TLK1: variants seen among roughly 807,000 people sequenced by gnomAD.
TLK1 encodes tousled like kinase 1, also known as serine/threonine-protein kinase tousled-like 1.
A neutral mutation model predicts 105.3 loss-of-function variants in TLK1; 24 were observed. The ratio of observed to expected loss-of-function variants is 0.23; its 90% confidence interval spans 0.17 to 0.32. TLK1 has a LOEUF of 0.32. Ranked by LOEUF, TLK1 falls within the 10% of genes least tolerant of loss-of-function variation. The pLI is 1.00. For missense variants in TLK1, 558 were observed against 910.5 expected, an observed-to-expected ratio of 0.61 and a Z score of 4.98; for synonymous variants, 321 against 310.4, an observed-to-expected ratio of 1.03 and a Z score of -0.36.
chr2:171,112,044 C>T (rs1468339147), intron 2 of TLK1, among the ~76,000 whole-genome samples: 3 of 152,104 alleles, frequency 2.0e-5, no homozygotes, highest in Non-Finnish European at 2.9e-5. Flanking sequence ...CTCCGCCTGC[C>T]GAGTTCAAGC....
chr2:171,071,618 T>C (rs1575573470), intron 3 of TLK1, among the ~76,000 whole-genome samples: 1 of 151,844 alleles, frequency 6.6e-6, no homozygotes, highest in Non-Finnish European at 1.5e-5. Context: ...TGGTTGCCTG[T>C]GCTTGTCGGG....
intron 3 of TLK1, among the ~76,000 whole-genome samples, chr2:171,064,631 A>C (rs908559818): frequency 6.6e-6 from 1 of 152,228 alleles, no homozygotes; most frequent in Admixed American, 6.5e-5. Context: ...GGAAGGCAAA[A>C]TAATAGGATT....
intron 1 of TLK1, among the ~76,000 whole-genome samples, chr2:171,202,399 C>T (rs1206905937): frequency 6.6e-6 from 1 of 151,660 alleles, no homozygotes; most frequent in Non-Finnish European, 1.5e-5. Context: ...TTGCGGTGAG[C>T]CGGGATCGCG....
chr2:171,124,693 C>G (rs2081715), intron 1 of TLK1, among the ~76,000 whole-genome samples: 59,989 of 151,996 alleles, frequency 0.39, 13,333 homozygotes, highest in African/African-American at 0.59. Context: ...TTGTAAATTA[C>G]TCCAACTAAG....
intron 1 of TLK1, among the ~76,000 whole-genome samples, chr2:171,202,177 C>T (rs567268864): frequency 2.0e-5 from 3 of 152,216 alleles, no homozygotes; most frequent in Non-Finnish European, 2.9e-5. Context: ...CGGCTCAGGC[C>T]GGGCGCGGTG....
At chr2:171,033,732 A>C (rs1267314743) in intron 11 of TLK1, among the ~76,000 whole-genome samples, 3 of 150,286 alleles carry the variant, frequency 2.0e-5, no homozygotes, top group Non-Finnish European at 4.5e-5. Context: ...AAGTAGGCAA[A>C]CACCACAATT....
intron 1 of TLK1, among the ~76,000 whole-genome samples, chr2:171,212,866 A>C (rs1461299259): frequency 6.8e-6 from 1 of 146,704 alleles, no homozygotes; most frequent in Non-Finnish European, 1.5e-5. Context: ...ATGAAGAAAT[A>C]AGAGGAAAAC....
chr2:171,207,584 T>C (rs528320850), intron 1 of TLK1, among the ~76,000 whole-genome samples: 2 of 152,302 alleles, frequency 1.3e-5, no homozygotes, highest in East Asian at 3.9e-4. Context: ...TGGTGTGGGA[T>C]GTTGACAGTA....
chr2:171,040,561 CTTTTTTGTTTT>C, intron 11 of TLK1, among the ~76,000 whole-genome samples: 1 of 123,672 alleles, frequency 8.1e-6, no homozygotes, highest in African/African-American at 3.0e-5. Flanking sequence ...AAATATATTC[CTTTTTTGTTTT>C]TTTTTTTTTT....
chr2:171,180,302 G>A (rs1464648311), intron 1 of TLK1, among the ~76,000 whole-genome samples: 5 of 151,988 alleles, frequency 3.3e-5, no homozygotes, highest in Non-Finnish European at 5.9e-5. Flanking sequence ...AATCTGATAG[G>A]AAGGGAAGAC....
Position 171,160,734 on chromosome 2 carries a change from C to T in TLK1, c.-306G>A, listed in dbSNP as rs886682340. ...AGGCGTCGAGGGGGTGCCAGCCGGG[C>T]CGGGGTCGGAGCGCGGGCGGAGCGC... On this transcript the variant is annotated 5_prime_UTR_variant, in exon 1 of 21. Transcript: ENST00000431350. The surrounding 1 kb of genome is among the most constrained non-coding windows in gnomAD (Gnocchi z 4.4). The T allele has an allele frequency of 4.5e-6, 2 of 446,742 alleles. No individual in the cohort carries two copies. The highest frequency in any genetic ancestry group is 7.6e-6 in the Non-Finnish European group (2 of 261,508). 27.7% of individuals were successfully genotyped at this position (446,742 alleles called of 1,614,324 possible).
At chr2:171,010,972 G>C (rs1172422240) in intron 14 of TLK1, among the ~76,000 whole-genome samples, 1 of 152,128 alleles carries the variant, frequency 6.6e-6, no homozygotes, top group Non-Finnish European at 1.5e-5. Flanking sequence ...TTTTTATAAT[G>C]AGGACATATA....
intron 1 of TLK1, among the ~76,000 whole-genome samples, chr2:171,193,094 T>C (rs1257575703): frequency 6.6e-6 from 1 of 152,224 alleles, no homozygotes; most frequent in Non-Finnish European, 1.5e-5. Context: ...CTTGTTGAAA[T>C]TAGCTCTTTA....
intron 2 of TLK1, among the ~76,000 whole-genome samples, chr2:171,086,759 GTT>G (rs2105482951): frequency 6.6e-6 from 1 of 152,264 alleles, no homozygotes; most frequent in Admixed American, 6.5e-5. Context: ...ACAAACAGCA[GTT>G]GAAACCCAGA....
chr2:171,086,642 A>C lies in TLK1; in HGVS notation c.259-3790T>G, dbSNP rs568849243. Among the ~76,000 whole-genome samples, 745 of 138,338 alleles carry C rather than the reference A, an allele frequency of 5.4e-3. 5 individuals are homozygous for C. The highest frequency in any genetic ancestry group is 0.013 in the African/African-American group (399 of 31,798). The allele number at this position is 138,338 out of a possible 152,430, so 90.8% of individuals were successfully genotyped here. A position where few individuals can be genotyped will look rare whatever the true frequency, so the allele number is the denominator to read the frequency against. On this transcript the variant is annotated intron_variant, in intron 2 of 20. Coordinates refer to ENST00000431350, the MANE Select transcript of TLK1 (RefSeq NM_012290.5). ...CTCCGTCTCAAAAAAAACAAACAAA[A>C]AAAAAAAACAGAAAAAAAAAGAAGA... is the stretch of plus-strand genomic sequence containing the variant.
intron 12 of TLK1, among the ~76,000 whole-genome samples, chr2:171,021,142 A>C (rs975599341): frequency 4.6e-5 from 7 of 152,314 alleles, no homozygotes; most frequent in Non-Finnish European, 1.0e-4. Flanking sequence ...ATGACTGTTA[A>C]AACAGGCAGG....
intron 11 of TLK1, among the ~76,000 whole-genome samples, chr2:171,034,176 A>G (rs1278197684): frequency 6.6e-6 from 1 of 152,210 alleles, no homozygotes; most frequent in Non-Finnish European, 1.5e-5. Context: ...ATGGGAATGT[A>G]AAACGGTGCA....
At chr2:171,188,937 T>G (rs1279794901) in intron 1 of TLK1, among the ~76,000 whole-genome samples, 2 of 151,644 alleles carry the variant, frequency 1.3e-5, no homozygotes, top group East Asian at 3.9e-4. Flanking sequence ...ACATTATCCA[T>G]GGCATACAAA....
intron 11 of TLK1, among the ~76,000 whole-genome samples, chr2:171,043,431 T>G (rs1686787284): frequency 1.3e-5 from 2 of 152,138 alleles, no homozygotes; most frequent in Non-Finnish European, 2.9e-5. Context: ...TTATAAGCCA[T>G]ATTAGGACTT....
Sources: gnomAD v4.1 joint callset for allele counts (sites outside exome capture counted in the v4.1 genomes callset) on GRCh38, gnomAD v4.1.1 for gene constraint, Gnocchi (gnomAD v3.1) non-coding constraint, MANE v1.5 for transcripts, NCBI Gene and HGNC (gene_info 2026-07-23, HGNC 2026-07-21) for gene names.